IGDCC4: variants seen among roughly 807,000 people sequenced by gnomAD.
IGDCC4 encodes likely ortholog of mouse neighbor of Punc E11.
A neutral mutation model predicts 116.6 loss-of-function variants in IGDCC4; 72 were observed. That is an observed-to-expected ratio of 0.62 (90% CI 0.51 to 0.75). IGDCC4 has a LOEUF of 0.75. Ranked by LOEUF, IGDCC4 falls within the 30% of genes least tolerant of loss-of-function variation. The pLI is 0.00. For synonymous variants in IGDCC4, 709 were observed against 719.9 expected (o/e 0.98, Z 0.24); for missense variants, 1,501 against 1,662.4 (o/e 0.90, Z 1.69).
At chr15:65,406,539 AGT>A (rs911106407) in intron 3 of IGDCC4, among the ~76,000 whole-genome samples, 3 of 152,194 alleles carry the variant, frequency 2.0e-5, no homozygotes, top group Admixed American at 6.6e-5. Context: ...ACCCTGACGC[AGT>A]GTGTTTATTA....
chr15:65,390,454 G>C (rs2091504017), intron 12 of IGDCC4, 116 bp from the exon 13 acceptor site: 1 of 790,184 alleles, frequency 1.3e-6, no homozygotes, highest in African/African-American at 1.7e-5. Flanking sequence ...GATCCTGTGA[G>C]TTGAGTGGCA....
rs4402504 is a variant in IGDCC4, at chr15:65,396,221, C to A, written c.998-58G>T. ...ATCCCGCAACTAAGGTCTCTGCCCC[C>A]CCCCCAGTACCCCAAGCCTGCCCCC... On this transcript the variant is annotated intron_variant, in intron 6 of 19. Transcript: ENST00000352385. 6.0e-5 allele frequency: 58 copies of A among 958,798 alleles called. 1 individual carries two copies. The South Asian group carries it at 7.7e-4, about 13-fold the overall frequency. 59.4% of individuals were successfully genotyped at this position (958,798 alleles called of 1,614,324 possible).
In IGDCC4 at chr15:65,382,094, TA is replaced by T. The variant is rs958086786; in HGVS notation, c.*1914del. 6.4e-4 allele frequency: 93 copies of T among 145,392 alleles called. No individual in the cohort carries two copies. The highest frequency in any genetic ancestry group is 6.5e-4 in the African/African-American group (26 of 39,832). 9.0% of individuals were successfully genotyped at this position (145,392 alleles called of 1,614,324 possible). A position where few individuals can be genotyped will look rare whatever the true frequency, so the allele number is the denominator to read the frequency against. ...TTCAGGGCAGTTTTTTTTTCTTCTT[TA>T]AAAAAAAAAAATCAAACCAGCAAAA... On this transcript the variant is annotated 3_prime_UTR_variant, in exon 20 of 20. Coordinates refer to ENST00000352385, the MANE Select transcript of IGDCC4 (RefSeq NM_020962.3).
At chr15:65,402,558 T>TA in intron 3 of IGDCC4, 71 bp from the exon 4 acceptor site, 17 of 1,518,326 alleles carry the variant, frequency 1.1e-5, no homozygotes, top group Non-Finnish European at 1.5e-5. Flanking sequence ...CATGGTAAGA[T>TA]AAATGCAAAT....
At chr15:65,401,149 C>G (rs2062982176) in intron 4 of IGDCC4, among the ~76,000 whole-genome samples, 1 of 152,182 alleles carries the variant, frequency 6.6e-6, no homozygotes, top group South Asian at 2.1e-4. Context: ...AGAAGAATTG[C>G]CTAGGCTTCA....
chr15:65,419,763 G>A lies in IGDCC4; in HGVS notation c.70+3030C>T, dbSNP rs186108808. 3.2e-4 allele frequency among the ~76,000 whole-genome samples: 49 copies of A among 152,298 alleles called. 1 individual carries two copies. The South Asian group carries it at 9.1e-3, about 28-fold the overall frequency. ...TACCCTCCAAATTCTGACTTGGGAA[G>A]AAGGGAGAGCCGAGAGCCCCACCTT... On this transcript the variant is annotated intron_variant, in intron 1 of 19. Transcript: ENST00000352385.
At chr15:65,396,246 C>T in intron 6 of IGDCC4, 83 bp from the exon 7 acceptor site, 1 of 1,366,160 alleles carries the variant, frequency 7.3e-7, no homozygotes, top group East Asian at 2.9e-5. Flanking sequence ...AGCCTGCCCC[C>T]CACCGCCCTC....
In IGDCC4 at chr15:65,384,848, C is replaced by T; in HGVS notation, c.3342+106G>A. ...GGGGTCTCCTGGCTAGACTTCTATC[C>T]CCAGGAAAGTTACCACCCAGGGGTC... On this transcript the variant is annotated intron_variant, in intron 19 of 19. Coordinates refer to ENST00000352385, the MANE Select transcript of IGDCC4 (RefSeq NM_020962.3). The surrounding 1 kb of genome is among the most constrained non-coding windows in gnomAD (Gnocchi z 4.9). The T allele has an allele frequency of 3.5e-6, 5 of 1,418,426 alleles. No homozygotes were observed. Among genetic ancestry groups the T allele is most frequent in the Non-Finnish European group, 4.7e-6 (5 of 1,058,784 alleles). The allele number at this position is 1,418,426 out of a possible 1,614,324, so 87.9% of individuals were successfully genotyped here. A position where few individuals can be genotyped will look rare whatever the true frequency, so the allele number is the denominator to read the frequency against.
chr15:65,385,428 A>G, intron 18 of IGDCC4: 2 of 517,828 alleles, frequency 3.9e-6, no homozygotes. Flanking sequence ...CCCTGCCAGC[A>G]TGAAAGGGAC....
At chr15:65,392,078 G>T (rs1157695629) in intron 11 of IGDCC4, 56 bp downstream of exon 11, 12 of 1,530,550 alleles carry the variant, frequency 7.8e-6, no homozygotes, top group Non-Finnish European at 1.1e-5. Flanking sequence ...CACACAACTT[G>T]CCCAGTCCCC....
Position 65,393,363 on chromosome 15 carries a change from T to G in IGDCC4, c.1883A>C (p.His628Pro), listed in dbSNP as rs1567083080. 1 of 1,609,548 alleles carries G rather than the reference T, an allele frequency of 6.2e-7. No homozygotes were observed. Among genetic ancestry groups the G allele is most frequent in the South Asian group, 1.1e-5 (1 of 90,102 alleles). ...CTGTCTCTCCTCTAACCCCGTACCA[T>G]GGCTCTGGTTGTGCATACTGGGCGT... ...HRTPSMHNQS[H>P]VPFAPAELKV... The change falls in exon 10 of 20, where the codon CAT (histidine) becomes CCT (proline). Residue 628 changes from histidine (H) to proline (P), a missense_variant and splice_region_variant. This residue lies in a region of IGDCC4 where 898 missense variants were observed against 978.9 expected (regional missense o/e 0.92). Coordinates refer to ENST00000352385, the MANE Select transcript of IGDCC4 (RefSeq NM_020962.3). This position sits in a 1 kb window ranked among gnomAD's most constrained non-coding sequence, Gnocchi z 4.6.
chr15:65,385,113 G>T lies in IGDCC4; in HGVS notation c.3183C>A (p.Ile1061=). The T allele has an allele frequency of 6.3e-7, 1 of 1,590,218 alleles. No homozygotes were observed. The highest frequency in any genetic ancestry group is 2.3e-5 in the East Asian group (1 of 43,976). ...TCAGCCCGCTTGGTTGAGCCCAGGA[G>T]ATCTGCACGGGGGAAAGAAGGGGAC... The part of the protein sequence containing the change: ...SEGRSHSKRK[I]SWAQPSGLSW... Residue 1061 remains isoleucine, a splice_region_variant and synonymous_variant, in exon 19 of 20, where the codon ATC becomes ATA. Transcript: ENST00000352385.
chr15:65,400,923 GC>G lies in IGDCC4; in HGVS notation c.723del (p.Gln242ArgfsTer21). 1 of 1,614,128 alleles carries G rather than the reference GC, an allele frequency of 6.2e-7. No homozygotes were observed. The highest frequency in any genetic ancestry group is 8.5e-7 in the Non-Finnish European group (1 of 1,180,022). The stretch of plus-strand genomic sequence containing the variant: ...GGGGCTGCCACAATGACCACGTCCT[GC>G]CCCCTGGTGGACGCCAGGGACCCTG... The part of the protein sequence containing the change: ...AHRGSLASTR[G>X]QDVVIVAAPE... On this transcript the variant is annotated frameshift_variant, in exon 5 of 20. Transcript: ENST00000352385. LOFTEE classifies it high-confidence loss of function.
At chr15:65,416,607 T>G (rs2063147315) in intron 1 of IGDCC4, among the ~76,000 whole-genome samples, 1 of 152,104 alleles carries the variant, frequency 6.6e-6, no homozygotes. Flanking sequence ...CAGCCCACTG[T>G]CATGGCTGAC....
intron 3 of IGDCC4, among the ~76,000 whole-genome samples, chr15:65,403,734 C>A (rs2063013356): frequency 6.6e-6 from 1 of 152,132 alleles, no homozygotes; most frequent in South Asian, 2.1e-4. Context: ...TCCAAGCAGA[C>A]CCAGCCAACA....
At chr15:65,388,374 T>G in intron 16 of IGDCC4, 75 bp downstream of exon 16, 161 of 1,592,192 alleles carry the variant, frequency 1.0e-4, no homozygotes, top group Middle Eastern at 1.7e-4. Flanking sequence ...TGCAAAACAA[T>G]GAAATTGTAG....
intron 3 of IGDCC4, among the ~76,000 whole-genome samples, chr15:65,407,783 C>T (rs560857936): frequency 4.0e-5 from 6 of 148,414 alleles, no homozygotes; most frequent in East Asian, 2.0e-4. Context: ...TGCGTCACCA[C>T]GCCTGGATAA....
chr15:65,397,023 C>T, intron 5 of IGDCC4, 34 bp from the exon 6 acceptor site: 1 of 1,562,450 alleles, frequency 6.4e-7, no homozygotes, highest in Non-Finnish European at 8.7e-7. Flanking sequence ...CTGGAGGGGA[C>T]GCTAGGGACT....
Position 65,386,629 on chromosome 15 carries a change from C to T in IGDCC4, c.2873G>A (p.Gly958Asp), listed in dbSNP as rs768267190. Reference protein sequence around the residue: ...SDSLDMHSVTGIIVGVCLGLL... With the variant: ...SDSLDMHSVTDIIVGVCLGLL... ...GCCCAGGCAGACACCCACGATGATG[C>T]CCGTGACTGAGTGCATGTCCAGCGA... Residue 958 changes from glycine to aspartate, a missense_variant, in exon 17 of 20, where the codon GGC becomes GAC. By Grantham distance (94) the Gly-to-Asp change is moderately conservative. Transcript: ENST00000352385. 2 of 1,612,434 alleles carry T rather than the reference C, an allele frequency of 1.2e-6. No individual in the cohort carries two copies. Among genetic ancestry groups the T allele is most frequent in the Non-Finnish European group, 8.5e-7 (1 of 1,179,764 alleles).
Sources: allele counts gnomAD v4.1 joint callset (sites outside exome capture counted in the v4.1 genomes callset), GRCh38; gene constraint gnomAD v4.1.1; regional missense constraint gnomAD v4.1.1; non-coding constraint Gnocchi (gnomAD v3.1); transcripts MANE v1.5; gene names NCBI Gene and HGNC (gene_info 2026-07-23, HGNC 2026-07-21).